Variants in APLP2 observed in about 807,000 individuals in gnomAD.
APLP2 encodes the protein amyloid beta precursor like protein 2.
APLP2 carries 53 observed loss-of-function variants against 89.9 expected under a neutral mutation model. The observed-to-expected ratio is 0.59, with a 90% CI of 0.47 to 0.74. The LOEUF is 0.74. APLP2 is among the 30% of genes least tolerant of loss of function. APLP2 has a pLI of 0.00. For missense variants in APLP2, 973 were observed against 975.9 expected (o/e 1.00, Z 0.04); for synonymous variants, 372 against 348.6 (o/e 1.07, Z -0.75).
At chr11:130,073,609 G>A (rs1449411087) in intron 1 of APLP2, among the ~76,000 whole-genome samples, 2 of 152,164 alleles carry the variant, frequency 1.3e-5, no homozygotes, top group South Asian at 2.1e-4. Context: ...TTGGGAGGCC[G>A]AGGTGGGTGG....
Position 130,141,994 on chromosome 11 carries a change from G to GCCATTGC in APLP2, c.2076_2082dup (p.Thr695HisfsTer28). ...CATTGGCCTGCTGGTCATCGCAGTG[G>GCCATTGC]CCATTGCCACGGTCATCGTCATCAG... On this transcript the variant is annotated frameshift_variant, in exon 16 of 17. Coordinates refer to ENST00000338167, the MANE Select transcript of APLP2 (RefSeq NM_001142276.2). LOFTEE classifies it high-confidence loss of function. The surrounding 1 kb of genome is among the most constrained non-coding windows in gnomAD (Gnocchi z 4.2). 6.2e-7 allele frequency: 1 copy of GCCATTGC among 1,614,048 alleles called. No homozygotes were observed. Among genetic ancestry groups the GCCATTGC allele is most frequent in the Non-Finnish European group, 8.5e-7 (1 of 1,180,006 alleles).
chr11:130,082,478 C>T (rs895971525), intron 1 of APLP2: 2 of 154,176 alleles, frequency 1.3e-5, no homozygotes, highest in Non-Finnish European at 2.9e-5. Flanking sequence ...GCCACCTCAT[C>T]CGGTCTCAGT....
At chr11:130,121,464 A>ATT in intron 4 of APLP2, 150 bp from the exon 5 acceptor site, 1 of 992,488 alleles carries the variant, frequency 1.0e-6, no homozygotes, top group Non-Finnish European at 1.4e-6. Context: ...TATTATTACA[A>ATT]TTTTTTTTTG....
intron 1 of APLP2, chr11:130,101,640 C>A: frequency 5.9e-6 from 1 of 170,644 alleles, no homozygotes; most frequent in Non-Finnish European, 1.3e-5. Context: ...ATATAATAAG[C>A]AGAATTCAAA....
intron 11 of APLP2, among the ~76,000 whole-genome samples, chr11:130,133,353 G>C (rs143488133): frequency 6.6e-6 from 1 of 152,020 alleles, no homozygotes; most frequent in African/African-American, 2.4e-5. Context: ...AAACTCCTTC[G>C]CTCAAGTGAT....
At chr11:130,099,479 C>G (rs1448539981) in intron 1 of APLP2, among the ~76,000 whole-genome samples, 3 of 152,196 alleles carry the variant, frequency 2.0e-5, no homozygotes, top group Non-Finnish European at 4.4e-5. Flanking sequence ...AAATAATTTA[C>G]ATAGTGCTCT....
At chr11:130,075,063 A>G (rs111995788) in intron 1 of APLP2, among the ~76,000 whole-genome samples, 1,822 of 152,362 alleles carry the variant, frequency 0.012, 33 homozygotes, top group African/African-American at 0.04. Flanking sequence ...ATTCAAGCAG[A>G]AATGAGTTCC....
intron 7 of APLP2, among the ~76,000 whole-genome samples, chr11:130,124,212 C>G (rs902255882): frequency 6.6e-6 from 1 of 152,204 alleles, no homozygotes; most frequent in Non-Finnish European, 1.5e-5. Flanking sequence ...GTGATGCATG[C>G]CAGCTCATGG....
At chr11:130,132,143 C>T (rs1328313754) in intron 11 of APLP2, among the ~76,000 whole-genome samples, 2 of 152,178 alleles carry the variant, frequency 1.3e-5, no homozygotes, top group African/African-American at 2.4e-5. Context: ...TCCTGTCTCA[C>T]ACGGCTCCCG....
At position 130,130,116 on chromosome 11, in the gene APLP2, C is replaced by T; in HGVS notation, c.1534C>T (p.Gln512Ter). Residue 512 changes from glutamine (Q) to a stop codon, truncating the protein, a stop_gained, in exon 11 of 17, where the codon CAG becomes TAG. Coordinates refer to ENST00000338167, the MANE Select transcript of APLP2 (RefSeq NM_001142276.2). LOFTEE classifies it high-confidence loss of function. ...TCGCTTACATACCATCCGTCATTAC[C>T]AGCATGTGTTGGCTGTTGACCCAGA... ...KDRLHTIRHY[Q>*]HVLAVDPEKA... is the part of the protein sequence containing the mutation. 6.2e-7 allele frequency: 1 copy of T among 1,614,262 alleles called. No individual in the cohort carries two copies. Among genetic ancestry groups the T allele is most frequent in the Non-Finnish European group, 8.5e-7 (1 of 1,180,052 alleles).
Position 130,143,309 on chromosome 11 carries a change from C to G in APLP2, c.2155-38C>G, listed in dbSNP as rs780156466. ...CCCAGCACCCTGTGCAGGTCTCTTCCCAGACACCACAATGACCCTCAGGTT... is the reference window on the plus strand; with the variant it reads ...CCCAGCACCCTGTGCAGGTCTCTTCGCAGACACCACAATGACCCTCAGGTT... On this transcript the variant is annotated intron_variant, in intron 16 of 16. Transcript: ENST00000338167. 4.4e-6 allele frequency: 7 copies of G among 1,574,602 alleles called. No individual in the cohort carries two copies. The East Asian group carries it at 1.6e-4, about 35-fold the overall frequency.
Position 130,141,542 on chromosome 11 carries a change from C to G in APLP2, c.1968C>G (p.Ala656=). Residue 656 remains alanine (A), a synonymous_variant, in exon 15 of 17, where the codon GCC becomes GCG. Coordinates refer to ENST00000338167, the MANE Select transcript of APLP2 (RefSeq NM_001142276.2). This position sits in a 1 kb window ranked among gnomAD's most constrained non-coding sequence, Gnocchi z 4.2. ...TLDVKEMIFN[A]ERVGGLEEER... ...ATGTTAAGGAAATGATTTTCAATGC[C>G]GAGAGAGTTGGAGGCCTCGAGGAAG... The G allele has an allele frequency of 6.2e-7, 1 of 1,613,932 alleles. No individual in the cohort carries two copies.
chr11:130,117,476 G>T (rs1952807594), intron 3 of APLP2, among the ~76,000 whole-genome samples: 1 of 150,974 alleles, frequency 6.6e-6, no homozygotes, highest in Non-Finnish European at 1.5e-5. Flanking sequence ...GGAGTCTCTT[G>T]CCCAGGCTGG....
chr11:130,133,852 C>T, intron 12 of APLP2, 124 bp downstream of exon 12: 1 of 707,858 alleles, frequency 1.4e-6, no homozygotes, highest in Non-Finnish European at 2.4e-6. Context: ...TTAGCACATC[C>T]TGGCTTCAGA....
chr11:130,139,634 G>A (rs537347989), intron 13 of APLP2: 7 of 152,352 alleles, frequency 4.6e-5, no homozygotes, highest in Non-Finnish European at 8.8e-5. Flanking sequence ...GAGTGATGTT[G>A]CTCAGGCAGT....
chr11:130,120,839 A>T (rs1949729150), intron 4 of APLP2, 21 bp downstream of exon 4: 2 of 1,547,020 alleles, frequency 1.3e-6, no homozygotes, highest in East Asian at 2.2e-5. Context: ...TCGGGGGGAA[A>T]GTCAGCTGCT....
intron 12 of APLP2, 28 bp downstream of exon 12, chr11:130,133,756 C>T (rs769369765): frequency 6.5e-7 from 1 of 1,539,714 alleles, no homozygotes; most frequent in Admixed American, 1.7e-5. Flanking sequence ...GTGTCAAGGT[C>T]ATACGGGACT....
chr11:130,090,683 A>G (rs1461980866), intron 1 of APLP2, among the ~76,000 whole-genome samples: 1 of 152,074 alleles, frequency 6.6e-6, no homozygotes, highest in East Asian at 1.9e-4. Flanking sequence ...AGACACGGCA[A>G]CCATCCGATT....
chr11:130,128,705 C>T lies in APLP2; in HGVS notation c.1297-343C>T, dbSNP rs139644146. 4.6e-5 allele frequency among the ~76,000 whole-genome samples: 7 copies of T among 152,352 alleles called. No homozygotes were observed. In the East Asian group the frequency reaches 1.2e-3, roughly 25 times the overall value. On this transcript the variant is annotated intron_variant, in intron 9 of 16. Coordinates refer to ENST00000338167, the MANE Select transcript of APLP2 (RefSeq NM_001142276.2). ...TGGTCTCAGAGTTTGGAAGTTAGTG[C>T]CTTGCTGCAATGTGGGAAGGACAGT...
Sources: allele counts gnomAD v4.1 joint callset (sites outside exome capture counted in the v4.1 genomes callset), GRCh38; gene constraint gnomAD v4.1.1; non-coding constraint Gnocchi (gnomAD v3.1); transcripts MANE v1.5; gene names NCBI Gene and HGNC (gene_info 2026-07-23, HGNC 2026-07-21).